Variants in ZNF74 observed in about 807,000 individuals in gnomAD.
The protein encoded by ZNF74 is zinc finger protein 520.
ZNF74 carries 12 observed loss-of-function variants against 17.7 expected under a neutral mutation model. The observed-to-expected ratio is 0.68, with a 90% CI of 0.43 to 1.10. ZNF74 has a LOEUF of 1.10. ZNF74 is among the 50% of genes least tolerant of loss of function. The pLI, the probability that ZNF74 is intolerant of heterozygous loss-of-function variation, is 0.00. For missense variants in ZNF74, 811 were observed against 881.0 expected (o/e 0.92, Z 1.01); for synonymous variants, 358 against 362.1 (o/e 0.99, Z 0.13).
chr22:20,394,405 T>C lies in ZNF74; in HGVS notation c.-224T>C. 1.5e-6 allele frequency: 1 copy of C among 647,700 alleles called. No individual in the cohort carries two copies. The highest frequency in any genetic ancestry group is 2.8e-6 in the Non-Finnish European group (1 of 355,298). 40.1% of individuals were successfully genotyped at this position (647,700 alleles called of 1,614,324 possible). ...GCGCCGAGCATGGGGCTGAGCCTGGTGTGGGGAGTGGGTATCTGCGGAGCC... is the reference window on the plus strand; with the variant it reads ...GCGCCGAGCATGGGGCTGAGCCTGGCGTGGGGAGTGGGTATCTGCGGAGCC... On this transcript the variant is annotated 5_prime_UTR_variant, in exon 1 of 5. Coordinates refer to ENST00000400451, the MANE Select transcript of ZNF74 (RefSeq NM_003426.4).
chr22:20,399,198 T>C (rs1028084920), intron 2 of ZNF74, among the ~76,000 whole-genome samples: 1 of 152,188 alleles, frequency 6.6e-6, no homozygotes, highest in Non-Finnish European at 1.5e-5. Flanking sequence ...AATGATGGTG[T>C]TTTTTAATTG....
At chr22:20,397,594 C>T (rs754768698) in intron 2 of ZNF74, among the ~76,000 whole-genome samples, 1 of 152,130 alleles carries the variant, frequency 6.6e-6, no homozygotes, top group African/African-American at 2.4e-5. Context: ...AGATTTTCCT[C>T]TTTAAGGATT....
intron 4 of ZNF74, among the ~76,000 whole-genome samples, chr22:20,402,108 A>C (rs2052365179): frequency 6.6e-6 from 1 of 152,212 alleles, no homozygotes; most frequent in African/African-American, 2.4e-5. Context: ...ACTGCTGAGC[A>C]TGTTAGGTGT....
intron 2 of ZNF74, among the ~76,000 whole-genome samples, chr22:20,396,034 CTG>C (rs1227249267): frequency 1.3e-5 from 2 of 152,184 alleles, no homozygotes; most frequent in African/African-American, 2.4e-5. Context: ...CTTTTACAGA[CTG>C]TGAACTCTGT....
chr22:20,396,635 C>A (rs2052297224), intron 2 of ZNF74, among the ~76,000 whole-genome samples: 1 of 151,930 alleles, frequency 6.6e-6, no homozygotes, highest in Middle Eastern at 3.2e-3. Context: ...GTGGTAGGGC[C>A]CTCATGCATG....
chr22:20,398,374 G>A (rs574680203), intron 2 of ZNF74, among the ~76,000 whole-genome samples: 1 of 147,372 alleles, frequency 6.8e-6, no homozygotes, highest in African/African-American at 2.6e-5. Flanking sequence ...TGAGACATAA[G>A]AATTTGAGGT....
rs1569097074 is a variant in ZNF74 at position 20,406,401 on chromosome 22, C to CCTATA, written c.1368_1369insCTATA (p.Ala457LeufsTer2). 6.2e-7 allele frequency: 1 copy of CCTATA among 1,613,878 alleles called. No homozygotes were observed. Among genetic ancestry groups the CCTATA allele is most frequent in the Non-Finnish European group, 8.5e-7 (1 of 1,179,960 alleles). On this transcript the variant is annotated frameshift_variant, in exon 5 of 5. Coordinates refer to ENST00000400451, the MANE Select transcript of ZNF74 (RefSeq NM_003426.4). LOFTEE classifies it low-confidence loss of function (END_TRUNC). ...ACTGCGGGAAGGGCTTCAGCTGCCA[C>CCTATA]GCGTACCTGCTCGTGCACCGGCGCA...
Position 20,406,663 on chromosome 22 carries a change from A to G in ZNF74, c.1630A>G (p.Ile544Val), listed in dbSNP as rs1322882064. 1.2e-6 allele frequency: 2 copies of G among 1,614,106 alleles called. No individual in the cohort carries two copies. Among genetic ancestry groups the G allele is most frequent in the East Asian group, 4.5e-5 (2 of 44,884 alleles). Residue 544 changes from isoleucine (I) to valine (V), a missense_variant, in exon 5 of 5, where the codon ATT (isoleucine) becomes GTT (valine). By Grantham distance (29) the Ile-to-Val change is conservative (BLOSUM62 3). Coordinates refer to ENST00000400451, the MANE Select transcript of ZNF74 (RefSeq NM_003426.4). The stretch of plus-strand genomic sequence containing the variant: ...AGCCTTCAGCCAGAACCACTGTCTC[A>G]TTAAACATCAGAAAATCCACTCCGG... ...GRAFSQNHCLIKHQKIHSGEK... is the reference protein window; with the variant it reads ...GRAFSQNHCLVKHQKIHSGEK...
chr22:20,395,263 A>G, intron 1 of ZNF74, 70 bp from the exon 2 acceptor site: 1 of 1,250,306 alleles, frequency 8.0e-7, no homozygotes, highest in Non-Finnish European at 1.1e-6. Context: ...CACTTGTGCC[A>G]CGACAGGTGG....
intron 4 of ZNF74, among the ~76,000 whole-genome samples, chr22:20,404,703 A>G (rs774608532): frequency 1.3e-5 from 2 of 152,164 alleles, no homozygotes; most frequent in African/African-American, 2.4e-5. Flanking sequence ...AAAGGTTTGC[A>G]TGCGTCTCGA....
intron 3 of ZNF74, 93 bp downstream of exon 3, chr22:20,400,851 T>A: frequency 6.9e-7 from 1 of 1,450,708 alleles, no homozygotes; most frequent in Non-Finnish European, 9.4e-7. Context: ...CCGGCCCTGG[T>A]GCCAGATATA....
At chr22:20,399,448 G>T in intron 2 of ZNF74, 7 of 228,296 alleles carry the variant, frequency 3.1e-5, no homozygotes, top group Non-Finnish European at 5.3e-5. Context: ...ACCTATCTTT[G>T]TATGTAAAGT....
chr22:20,401,963 G>A lies in ZNF74; in HGVS notation c.343+591G>A, dbSNP rs1420473687. 1.3e-5 allele frequency among the ~76,000 whole-genome samples: 2 copies of A among 152,298 alleles called. No individual in the cohort carries two copies. The highest frequency in any genetic ancestry group is 2.1e-4 in the South Asian group (1 of 4,822). On this transcript the variant is annotated intron_variant, in intron 4 of 4. Coordinates refer to ENST00000400451, the MANE Select transcript of ZNF74 (RefSeq NM_003426.4). The surrounding 1 kb of genome is among the most constrained non-coding windows in gnomAD (Gnocchi z 4.2). ...GCTGTGGCCAAGATGGCAGCCCTCC[G>A]TAAGGGAAAGGGGACTGGGGTGGGT...
At position 20,407,837 on chromosome 22, in the gene ZNF74, G is replaced by C. The variant is rs528283617; in HGVS notation, c.*869G>C. 6.6e-5 allele frequency: 10 copies of C among 152,300 alleles called. No individual in the cohort carries two copies. The highest frequency in any genetic ancestry group is 2.2e-4 in the African/African-American group (9 of 41,554). 9.4% of individuals were successfully genotyped at this position (152,300 alleles called of 1,614,324 possible). A position where few individuals can be genotyped will look rare whatever the true frequency, so the allele number is the denominator to read the frequency against. On this transcript the variant is annotated 3_prime_UTR_variant, in exon 5 of 5. Transcript: ENST00000400451. Reference sequence around the variant, plus strand: ...CAGTGCAGTCAGGGGCATTCCCACAGCTGTCACAGCACGGCCCAGCATCAT... The same window carrying C: ...CAGTGCAGTCAGGGGCATTCCCACACCTGTCACAGCACGGCCCAGCATCAT...
chr22:20,399,631 C>T (rs1322304108), intron 2 of ZNF74: 1 of 368,840 alleles, frequency 2.7e-6, no homozygotes, highest in East Asian at 1.1e-4. Context: ...AGTGCAGTGG[C>T]GCAATCTTGG....
chr22:20,406,360 C>T lies in ZNF74; in HGVS notation c.1327C>T (p.Pro443Ser), dbSNP rs1425956236. ...CCAGAGGACGCACACGGGCGAGAAG[C>T]CCTTCAAGTGCGCCGACTGCGGGAA... is the stretch of plus-strand genomic sequence containing the variant. ...LHQRTHTGEK[P>S]FKCADCGKGF... The change falls in exon 5 of 5, where the codon CCC (proline) becomes TCC (serine). Residue 443 changes from proline (P) to serine (S), a missense_variant. Transcript: ENST00000400451. The T allele has an allele frequency of 1.9e-6, 3 of 1,613,492 alleles. 1 individual carries two copies.
intron 2 of ZNF74, among the ~76,000 whole-genome samples, chr22:20,398,661 C>T (rs2052324731): frequency 6.6e-6 from 1 of 151,892 alleles, no homozygotes; most frequent in African/African-American, 2.4e-5. Context: ...ATTGATTTTT[C>T]TCTATTTTCT....
At chr22:20,395,010 C>A (rs1441822541) in intron 1 of ZNF74, 4 of 443,662 alleles carry the variant, frequency 9.0e-6, no homozygotes, top group African/African-American at 8.0e-5. Context: ...GCCTCGGCCT[C>A]CCAAAGTGCT....
In ZNF74 at chr22:20,401,090, G is replaced by T. The variant is rs534399543; in HGVS notation, c.248-187G>T. On this transcript the variant is annotated intron_variant, in intron 3 of 4. Transcript: ENST00000400451. This position sits in a 1 kb window ranked among gnomAD's most constrained non-coding sequence, Gnocchi z 4.2. ...AAGTAAGGACGTCAGCACACGTGGGGTCTTCAGAGTATACACTGGGATTTG... is the reference window on the plus strand; with the variant it reads ...AAGTAAGGACGTCAGCACACGTGGGTTCTTCAGAGTATACACTGGGATTTG... The T allele has an allele frequency of 5.0e-6, 3 of 600,136 alleles. No homozygotes were observed. The highest frequency in any genetic ancestry group is 5.9e-5 in the Admixed American group (2 of 33,718). 37.2% of individuals were successfully genotyped at this position (600,136 alleles called of 1,614,324 possible).
Sources: gnomAD v4.1 joint callset for allele counts (sites outside exome capture counted in the v4.1 genomes callset) on GRCh38, gnomAD v4.1.1 for gene constraint, Gnocchi (gnomAD v3.1) non-coding constraint, MANE v1.5 for transcripts, NCBI Gene and HGNC (gene_info 2026-07-23, HGNC 2026-07-21) for gene names.